The following CLIP1 variants were observed in gnomAD, a reference collection of about 807,000 sequenced individuals.
The protein encoded by CLIP1 is CAP-Gly domain containing linker protein 1.
In CLIP1, 66 loss-of-function variants were observed where a neutral mutation model predicts 161.6. The observed-to-expected ratio is 0.41, with a 90% CI of 0.33 to 0.50. The LOEUF (loss-of-function observed/expected upper bound fraction) is 0.50. CLIP1 is among the 20% of genes least tolerant of loss of function. CLIP1 has a pLI of 0.27. For missense variants in CLIP1, 1,376 were observed against 1,702.0 expected (o/e 0.81, Z 3.37); for synonymous variants, 598 against 626.2 (o/e 0.96, Z 0.67).
chr12:122,285,208 A>T lies in CLIP1; in HGVS notation c.3647+3281T>A, dbSNP rs893160781. Among the ~76,000 whole-genome samples, 5 of 151,088 alleles carry T rather than the reference A, an allele frequency of 3.3e-5. No homozygotes were observed. In the South Asian group the frequency reaches 6.2e-4, roughly 19 times the overall value. ...TTTGTGAATTATGACGTGCTACATA[A>T]ATGTAGGGAGATACCAGTCCTTTTT... On this transcript the variant is annotated intron_variant, in intron 21 of 25. Coordinates refer to ENST00000620786, the MANE Select transcript of CLIP1 (RefSeq NM_001247997.2).
At position 122,346,113 on chromosome 12, in the gene CLIP1, C is replaced by T. The variant is rs140961806; in HGVS notation, c.1506+1262G>A. Among the ~76,000 whole-genome samples the T allele has an allele frequency of 2.4e-3, 366 of 152,272 alleles. 1 individual carries two copies. The highest frequency in any genetic ancestry group is 8.4e-3 in the African/African-American group (351 of 41,556). ...TTCTTAATCTTTACGCACAAAACAA[C>T]TTCCATAATAGACGGACTCCATCCT... On this transcript the variant is annotated intron_variant, in intron 10 of 25. Transcript: ENST00000620786.
At chr12:122,347,647 G>A (rs1952813587) in intron 9 of CLIP1, among the ~76,000 whole-genome samples, 168 bp from the exon 10 acceptor site, 1 of 152,154 alleles carries the variant, frequency 6.6e-6, no homozygotes, top group Non-Finnish European at 1.5e-5. Context: ...GGTGGGCAGT[G>A]AGGATGAATA....
At chr12:122,363,891 A>C (rs575157768) in intron 4 of CLIP1, 92 bp downstream of exon 4, 2 of 1,561,864 alleles carry the variant, frequency 1.3e-6, no homozygotes, top group South Asian at 2.3e-5. Context: ...TCCAAACACA[A>C]CTTTCCATGT....
At chr12:122,372,372 G>C (rs981500603) in intron 3 of CLIP1, among the ~76,000 whole-genome samples, 1 of 151,382 alleles carries the variant, frequency 6.6e-6, no homozygotes, top group African/African-American at 2.4e-5. Flanking sequence ...GTGAGATTGC[G>C]CCATTGCACT....
chr12:122,347,119 T>C (rs1952788329), intron 10 of CLIP1, among the ~76,000 whole-genome samples: 1 of 152,238 alleles, frequency 6.6e-6, no homozygotes, highest in Admixed American at 6.5e-5. Context: ...TATCCATTCA[T>C]TTATTCAGTT....
chr12:122,300,267 C>T (rs767184749), intron 20 of CLIP1, among the ~76,000 whole-genome samples: 1 of 151,102 alleles, frequency 6.6e-6, no homozygotes, highest in Non-Finnish European at 1.5e-5. Flanking sequence ...AAGACATCAT[C>T]GAAAATAAAA....
rs1952495258 is a variant in CLIP1 at position 122,341,505 on chromosome 12, G to C, written c.1699C>G (p.Gln567Glu). Reference sequence around the variant, plus strand: ...TCCTTCAGAGAAGTTATTTCTCTCTGGTGGTCAGTACGGGTGACTTCTAAC... The same window carrying C: ...TCCTTCAGAGAAGTTATTTCTCTCTCGTGGTCAGTACGGGTGACTTCTAAC... ...EKLEVTRTDH[Q>E]REITSLKEHF... Residue 567 changes from glutamine to glutamate, a missense_variant, in exon 11 of 26, where the codon CAG becomes GAG. By Grantham distance (29) the Gln-to-Glu change is conservative (BLOSUM62 2). This residue lies in a region of CLIP1 where 948 missense variants were observed against 1,134.8 expected (regional missense o/e 0.84). Transcript: ENST00000620786. 3 of 1,613,858 alleles carry C rather than the reference G, an allele frequency of 1.9e-6. No homozygotes were observed. In the African/African-American group the frequency reaches 4.0e-5, roughly 22 times the overall value.
chr12:122,335,958 T>C (rs1441958969), intron 12 of CLIP1, among the ~76,000 whole-genome samples: 1 of 152,158 alleles, frequency 6.6e-6, no homozygotes, highest in African/African-American at 2.4e-5. Context: ...GCCTCTGGCT[T>C]TTCTTTCCAT....
intron 1 of CLIP1, among the ~76,000 whole-genome samples, chr12:122,411,083 T>C (rs564412609): frequency 6.6e-6 from 1 of 152,258 alleles, no homozygotes; most frequent in African/African-American, 2.4e-5. Context: ...TTCTTAGGTA[T>C]AGGCCCAACA....
At chr12:122,330,597 G>GTTTTTTTTTTTGTTTTTTTTTTT (rs1951901823) in intron 15 of CLIP1, among the ~76,000 whole-genome samples, 2 of 101,404 alleles carry the variant, frequency 2.0e-5, no homozygotes, top group African/African-American at 8.8e-5. Flanking sequence ...GTATAATGCA[G>GTTTTTTTTTTTGTTTTTTTTTTT]TTTTTTTTTT....
Position 122,377,547 on chromosome 12 carries a change from T to A in CLIP1, c.499A>T (p.Ile167Phe). 7.4e-6 allele frequency: 12 copies of A among 1,613,932 alleles called. No homozygotes were observed. Among genetic ancestry groups the A allele is most frequent in the Non-Finnish European group, 1.0e-5 (12 of 1,180,008 alleles). Residue 167 changes from isoleucine to phenylalanine, a missense_variant, in exon 3 of 26, where the codon ATC becomes TTC. Ile to Phe is a conservative substitution (Grantham distance 21, BLOSUM62 0). This residue lies in a region of CLIP1 where 119 missense variants were observed against 112.0 expected (regional missense o/e 1.06). Coordinates refer to ENST00000620786, the MANE Select transcript of CLIP1 (RefSeq NM_001247997.2). ...GCTGGCTGTGATGGTTTCTGAGGGA[T>A]GTTTGAAGGGGTGGAGGGGGAGGAA... is the stretch of plus-strand genomic sequence containing the variant. The part of the protein sequence containing the change: ...VSSSPSTPSN[I>F]PQKPSQPAAK...
intron 1 of CLIP1, among the ~76,000 whole-genome samples, chr12:122,414,199 C>T (rs1364688964): frequency 2.0e-5 from 3 of 152,008 alleles, no homozygotes; most frequent in Admixed American, 6.6e-5. Context: ...AGTGCAGTGG[C>T]GTGAACACAG....
At position 122,347,601 on chromosome 12, in the gene CLIP1, G is replaced by A. The variant is rs59291197; in HGVS notation, c.1402-122C>T. 1,043 of 706,836 alleles carry A rather than the reference G, an allele frequency of 1.5e-3. 5 individuals carry two copies. The African/African-American group carries it at 0.016, about 11-fold the overall frequency. The allele number at this position is 706,836 out of a possible 1,614,324, so 43.8% of individuals were successfully genotyped here. On this transcript the variant is annotated intron_variant, in intron 9 of 25. Transcript: ENST00000620786. ...ACCTTCTGCCAAAGGGTGAACCAAA[G>A]GGGAATGGAGAAGGGAAGAGGTGGA...
Position 122,390,196 on chromosome 12 carries a change from TA to T in CLIP1, c.-106-9639del, listed in dbSNP as rs1555280549. On this transcript the variant is annotated intron_variant, in intron 1 of 25. Coordinates refer to ENST00000620786, the MANE Select transcript of CLIP1 (RefSeq NM_001247997.2). ...AGATATATATATATATATATATATA[TA>T]ATATATATATACACACATATATATA... Among the ~76,000 whole-genome samples, 728 of 98,142 alleles carry T rather than the reference TA, an allele frequency of 7.4e-3. 3 individuals are homozygous for T. The highest frequency in any genetic ancestry group is 0.019 in the East Asian group (52 of 2,778). 64.4% of individuals were successfully genotyped at this position (98,142 alleles called of 152,430 possible).
intron 3 of CLIP1, chr12:122,365,339 T>G: frequency 1.1e-6 from 1 of 950,666 alleles, no homozygotes; most frequent in South Asian, 1.3e-5. Flanking sequence ...ATGGCAAAAG[T>G]GGAAGTCTAC....
rs1489942794 is a variant in CLIP1, at chr12:122,279,309, T to C, written c.3648-164A>G. 1.8e-5 allele frequency: 8 copies of C among 450,816 alleles called. No individual in the cohort carries two copies. The highest frequency in any genetic ancestry group is 2.7e-5 in the Non-Finnish European group (7 of 260,682). 27.9% of individuals were successfully genotyped at this position (450,816 alleles called of 1,614,324 possible). On this transcript the variant is annotated intron_variant, in intron 21 of 25. Transcript: ENST00000620786. This position sits in a 1 kb window ranked among gnomAD's most constrained non-coding sequence, Gnocchi z 4.5. The stretch of plus-strand genomic sequence containing the variant: ...GGCCATTATGCTCACAAAATTTTAC[T>C]TGAAATTTTACTTACTGTGAGGGGA...
chr12:122,278,063 A>G (rs1251524486), intron 24 of CLIP1, 91 bp downstream of exon 24: 5 of 1,144,240 alleles, frequency 4.4e-6, no homozygotes, highest in Non-Finnish European at 6.5e-6. Flanking sequence ...TAAATGATAC[A>G]AAAGGCATCA....
At chr12:122,418,721 C>T (rs1162703977) in intron 1 of CLIP1, among the ~76,000 whole-genome samples, 5 of 152,120 alleles carry the variant, frequency 3.3e-5, no homozygotes, top group African/African-American at 1.2e-4. Flanking sequence ...TACGATTGTG[C>T]CACTGCACTC....
At chr12:122,332,024 G>A (rs1951994601) in intron 15 of CLIP1, among the ~76,000 whole-genome samples, 1 of 151,862 alleles carries the variant, frequency 6.6e-6, no homozygotes, top group African/African-American at 2.4e-5. Flanking sequence ...TATTTTTAAA[G>A]GTTGGGCACG....
Sources: allele counts gnomAD v4.1 joint callset (sites outside exome capture counted in the v4.1 genomes callset), GRCh38; gene constraint gnomAD v4.1.1; regional missense constraint gnomAD v4.1.1; non-coding constraint Gnocchi (gnomAD v3.1); transcripts MANE v1.5; gene names NCBI Gene and HGNC (gene_info 2026-07-23, HGNC 2026-07-21).